CSMD3: variants seen among roughly 807,000 people sequenced by gnomAD.
CSMD3 encodes CUB and sushi domain-containing protein 3.
CSMD3 carries 177 observed loss-of-function variants against 435.2 expected under a neutral mutation model. The observed-to-expected ratio is 0.41, with a 90% CI of 0.36 to 0.46. CSMD3 has a LOEUF of 0.46. CSMD3 is among the 20% of genes least tolerant of loss of function. The pLI, the probability that CSMD3 is intolerant of heterozygous loss-of-function variation, is 0.34. For synonymous variants in CSMD3, 1,656 were observed against 1,520.5 expected, an observed-to-expected ratio of 1.09 and a Z score of -2.07; for missense variants, 4,265 against 4,504.6, an observed-to-expected ratio of 0.95 and a Z score of 1.52.
intron 4 of CSMD3, among the ~76,000 whole-genome samples, chr8:113,159,120 AT>A (rs2131825825): frequency 6.6e-6 from 1 of 152,004 alleles, no homozygotes; most frequent in African/African-American, 2.4e-5. Flanking sequence ...GTTTACAAAT[AT>A]TTTTGTTCAT....
intron 14 of CSMD3, among the ~76,000 whole-genome samples, chr8:112,688,616 A>T (rs1299224806): frequency 6.6e-6 from 1 of 151,942 alleles, no homozygotes; most frequent in African/African-American, 2.4e-5. Flanking sequence ...AAGTTTTATA[A>T]TTTTTTGTAT....
chr8:112,332,864 T>G (rs1824197255), intron 45 of CSMD3, among the ~76,000 whole-genome samples: 1 of 152,152 alleles, frequency 6.6e-6, no homozygotes, highest in African/African-American at 2.4e-5. Context: ...ATCAATTATC[T>G]CCAATTCTCA....
chr8:112,665,082 C>T (rs528649906), intron 17 of CSMD3, among the ~76,000 whole-genome samples: 3 of 152,088 alleles, frequency 2.0e-5, no homozygotes, highest in Non-Finnish European at 1.5e-5. Flanking sequence ...TAATAAATAG[C>T]TGAGTGTCAT....
chr8:112,523,713 T>C (rs1824552021), intron 27 of CSMD3, among the ~76,000 whole-genome samples: 1 of 152,040 alleles, frequency 6.6e-6, no homozygotes, highest in Non-Finnish European at 1.5e-5. Context: ...CCCTGGAGAA[T>C]TTTGCCCTTG....
At chr8:113,099,118 A>T (rs1447264452) in intron 4 of CSMD3, among the ~76,000 whole-genome samples, 155 bp from the exon 5 acceptor site, 1 of 152,010 alleles carries the variant, frequency 6.6e-6, no homozygotes, top group Non-Finnish European at 1.5e-5. Context: ...TAAAATGAGA[A>T]TTTTATGAAA....
At chr8:112,333,318 C>A (rs11987657) in intron 45 of CSMD3, among the ~76,000 whole-genome samples, 6,052 of 152,110 alleles carry the variant, frequency 0.04, 401 homozygotes, top group African/African-American at 0.14. Context: ...CAGGCATGAA[C>A]CACCACGCCT....
intron 1 of CSMD3, chr8:113,377,114 T>C (rs529261574): frequency 6.4e-5 from 81 of 1,265,700 alleles, no homozygotes; most frequent in Admixed American, 3.1e-5. Flanking sequence ...GGCTGCGGCG[T>C]CGTCCGGCTC....
intron 10 of CSMD3, among the ~76,000 whole-genome samples, chr8:112,883,174 A>G (rs533621375): frequency 7.9e-5 from 12 of 152,022 alleles, no homozygotes; most frequent in African/African-American, 2.9e-4. Context: ...CGATCTTCCA[A>G]TTTTTCAAAG....
chr8:112,599,140 C>A, intron 22 of CSMD3, among the ~76,000 whole-genome samples: 1 of 141,266 alleles, frequency 7.1e-6, no homozygotes, highest in Non-Finnish European at 1.5e-5. Flanking sequence ...GGCTAATATC[C>A]AGAATCTACA....
intron 3 of CSMD3, among the ~76,000 whole-genome samples, chr8:113,250,599 G>A (rs2093326087): frequency 6.6e-6 from 1 of 152,090 alleles, no homozygotes; most frequent in Non-Finnish European, 1.5e-5. Flanking sequence ...AAGAGATTGT[G>A]TGTATGGAAC....
chr8:113,067,397 C>T (rs538275389), intron 5 of CSMD3, among the ~76,000 whole-genome samples: 3 of 151,994 alleles, frequency 2.0e-5, no homozygotes, highest in African/African-American at 7.2e-5. Context: ...CAGACTAGTA[C>T]GGAATGGACT....
intron 36 of CSMD3, among the ~76,000 whole-genome samples, chr8:112,384,288 T>A (rs376755034): frequency 5.9e-5 from 9 of 152,298 alleles, no homozygotes; most frequent in East Asian, 1.9e-4. Flanking sequence ...TTTTAAAAAT[T>A]TATTTTAATG....
chr8:113,184,627 A>G (rs1417518887), intron 3 of CSMD3, among the ~76,000 whole-genome samples: 1 of 152,106 alleles, frequency 6.6e-6, no homozygotes, highest in East Asian at 1.9e-4. Flanking sequence ...CTCAAAACGT[A>G]TGGCCAAATC....
intron 38 of CSMD3, among the ~76,000 whole-genome samples, chr8:112,366,645 G>T (rs535195734): frequency 6.6e-6 from 1 of 152,182 alleles, no homozygotes; most frequent in East Asian, 1.9e-4. Flanking sequence ...TGATTTGCCC[G>T]CCTTGGCCTC....
chr8:112,756,101 T>C (rs193252820), intron 13 of CSMD3, among the ~76,000 whole-genome samples: 26 of 151,982 alleles, frequency 1.7e-4, no homozygotes, highest in Admixed American at 2.6e-4. Flanking sequence ...GAAACAAATA[T>C]CGTCTGAGTG....
At chr8:113,178,777 A>G (rs2092383372) in intron 3 of CSMD3, among the ~76,000 whole-genome samples, 1 of 151,912 alleles carries the variant, frequency 6.6e-6, no homozygotes, top group Admixed American at 6.6e-5. Flanking sequence ...TTGGCAATAC[A>G]ATGAAGACAG....
Position 113,173,737 on chromosome 8 carries a change from C to T in CSMD3, c.694G>A (p.Val232Ile), listed in dbSNP as rs775637205. 17 of 1,612,676 alleles carry T rather than the reference C, an allele frequency of 1.1e-5. No individual in the cohort carries two copies. The highest frequency in any genetic ancestry group is 8.3e-5 in the Admixed American group (5 of 59,996). ...TTCATTTTACCTCTACAGATAGGAA[C>T]AGGAAAATCCCACGAAGCTGTATTA... ...SVNTASWDFP[V>I]PICRAEDACG... The change falls in exon 4 of 71, where the codon GTT (valine) becomes ATT (isoleucine). Residue 232 changes from valine (V) to isoleucine (I), a missense_variant. Physicochemically the swap from Val to Ile is conservative, Grantham distance 29. Transcript: ENST00000297405.
intron 35 of CSMD3, among the ~76,000 whole-genome samples, chr8:112,399,739 A>T: frequency 6.6e-6 from 1 of 152,198 alleles, no homozygotes; most frequent in East Asian, 1.9e-4. Flanking sequence ...ATAAAGTGGC[A>T]TAATCTTTGC....
chr8:112,587,770 A>C (rs1184204948), intron 22 of CSMD3, among the ~76,000 whole-genome samples: 2 of 151,912 alleles, frequency 1.3e-5, no homozygotes, highest in African/African-American at 2.4e-5. Context: ...TAATAGTTAA[A>C]CCCCCCTGGT....
Sources: allele counts gnomAD v4.1 joint callset (sites outside exome capture counted in the v4.1 genomes callset), GRCh38; gene constraint gnomAD v4.1.1; transcripts MANE v1.5; gene names NCBI Gene and HGNC (gene_info 2026-07-23, HGNC 2026-07-21).